The following PCDHGA11 variants were observed in gnomAD, a reference collection of about 807,000 sequenced individuals.
PCDHGA11 encodes the protein protocadherin gamma subfamily A, 11.
In PCDHGA11, 39 loss-of-function variants were observed where a neutral mutation model predicts 60.4. The ratio of observed to expected loss-of-function variants is 0.65; its 90% CI spans 0.50 to 0.84. PCDHGA11 has a LOEUF of 0.84. Ranked by LOEUF, PCDHGA11 falls within the 40% of genes least tolerant of loss-of-function variation. The probability of loss-of-function intolerance (pLI) is 0.00; values close to 1 mark genes in which losing one functional copy is unlikely to be tolerated. For missense variants in PCDHGA11, 1,165 were observed against 1,197.7 expected (o/e 0.97, Z 0.40); for synonymous variants, 533 against 510.3 (o/e 1.04, Z -0.60).
intron 2 of PCDHGA11, among the ~76,000 whole-genome samples, chr5:141,498,889 C>T (rs1415870992): frequency 3.4e-5 from 5 of 146,174 alleles, no homozygotes; most frequent in African/African-American, 1.3e-4. Flanking sequence ...GCTGAGATCA[C>T]ACCACTGCAC....
chr5:141,421,777 CG>C lies in PCDHGA11; in HGVS notation c.554del (p.Gly185AlafsTer11), dbSNP rs760013586. On this transcript the variant is annotated frameshift_variant, in exon 1 of 4. Coordinates refer to ENST00000398587, the MANE Select transcript of PCDHGA11 (RefSeq NM_018914.3). LOFTEE classifies it high-confidence loss of function. ...TAATAATTACTTTTCCTTGCAACTG[CG>C]GGGCAGAACGGATGGGGCCAAGAAT... ...SPNNYFSLQL[R>X]GRTDGAKNPE... 2 of 1,613,804 alleles carry C rather than the reference CG, an allele frequency of 1.2e-6. No homozygotes were observed. The highest frequency in any genetic ancestry group is 3.3e-5 in the Admixed American group (2 of 60,012).
intron 2 of PCDHGA11, among the ~76,000 whole-genome samples, chr5:141,502,165 T>C (rs1017904375): frequency 1.8e-4 from 28 of 152,196 alleles, no homozygotes; most frequent in African/African-American, 6.3e-4. Context: ...AGATATTCAG[T>C]TGAGGAATTT....
At chr5:141,471,444 A>G (rs1366430114) in intron 1 of PCDHGA11, 1 of 152,150 alleles carries the variant, frequency 6.6e-6, no homozygotes, top group Non-Finnish European at 1.5e-5. Context: ...AATCTCATGT[A>G]CCTTTTGAAA....
Position 141,490,575 on chromosome 5 carries a change from A to G in PCDHGA11, c.2434-4232A>G. 2 of 1,614,140 alleles carry G rather than the reference A, an allele frequency of 1.2e-6. No individual in the cohort carries two copies. The highest frequency in any genetic ancestry group is 2.2e-5 in the East Asian group (1 of 44,876). Reference sequence around the variant, plus strand: ...ATCTCACCATCAGGCTCAACATTTCAGATGTCAATGACAATGCACCCCGCT... The same window carrying G: ...ATCTCACCATCAGGCTCAACATTTCGGATGTCAATGACAATGCACCCCGCT... On this transcript the variant is annotated intron_variant, in intron 1 of 3. Transcript: ENST00000398587. This position sits in a 1 kb window ranked among gnomAD's most constrained non-coding sequence, Gnocchi z 5.4.
intron 1 of PCDHGA11, among the ~76,000 whole-genome samples, chr5:141,458,821 C>T (rs1220034390): frequency 6.6e-6 from 1 of 152,146 alleles, no homozygotes; most frequent in Non-Finnish European, 1.5e-5. Flanking sequence ...CAACCTCTGC[C>T]TCCCAGGCTC....
Position 141,432,587 on chromosome 5 carries a change from A to C in PCDHGA11, c.2433+8927A>C. ...CGCCTGGCTGTCCTACCGTCTGCTC[A>C]AGGCCAGCGAGCCGGGACTCTTCTC... On this transcript the variant is annotated intron_variant, in intron 1 of 3. Transcript: ENST00000398587. This position sits in a 1 kb window ranked among gnomAD's most constrained non-coding sequence, Gnocchi z 6.0. 1.9e-6 allele frequency: 3 copies of C among 1,613,250 alleles called. No individual in the cohort carries two copies. Among genetic ancestry groups the C allele is most frequent in the Non-Finnish European group, 2.5e-6 (3 of 1,179,918 alleles).
At chr5:141,484,135 A>G (rs181630887) in intron 1 of PCDHGA11, among the ~76,000 whole-genome samples, 6 of 152,270 alleles carry the variant, frequency 3.9e-5, no homozygotes, top group Admixed American at 1.3e-4. Flanking sequence ...GTGTCAGATA[A>G]AGGGAATTTG....
At chr5:141,501,841 C>T (rs2099811330) in intron 2 of PCDHGA11, among the ~76,000 whole-genome samples, 1 of 152,130 alleles carries the variant, frequency 6.6e-6, no homozygotes, top group African/African-American at 2.4e-5. Flanking sequence ...CTGTTTGGCC[C>T]TCAACCTTCA....
intron 1 of PCDHGA11, chr5:141,478,781 A>G: frequency 6.7e-7 from 1 of 1,485,388 alleles, no homozygotes; most frequent in Non-Finnish European, 9.0e-7. Flanking sequence ...TGTGGACCTA[A>G]TTCACATCCT....
chr5:141,475,128 C>T (rs775275292), intron 1 of PCDHGA11, among the ~76,000 whole-genome samples: 3 of 151,894 alleles, frequency 2.0e-5, no homozygotes, highest in Non-Finnish European at 4.4e-5. Context: ...GGCTTTTTTT[C>T]TTTTTGAAAT....
At chr5:141,504,384 C>G (rs2099837898) in intron 2 of PCDHGA11, among the ~76,000 whole-genome samples, 1 of 152,026 alleles carries the variant, frequency 6.6e-6, no homozygotes, top group South Asian at 2.1e-4. Flanking sequence ...GAGTCGCTGC[C>G]TCACAGAAGC....
chr5:141,430,796 C>A, intron 1 of PCDHGA11: 1 of 1,522,232 alleles, frequency 6.6e-7, no homozygotes, highest in Middle Eastern at 1.8e-4. Context: ...CTACAAAGGG[C>A]TTGTCCTGCT....
intron 1 of PCDHGA11, among the ~76,000 whole-genome samples, chr5:141,451,403 G>A (rs2154563571): frequency 6.6e-6 from 1 of 152,288 alleles, no homozygotes; most frequent in South Asian, 2.1e-4. Context: ...GCAAAATTAA[G>A]TTCCTTGTGG....
At chr5:141,441,984 A>G (rs1202392318) in intron 1 of PCDHGA11, 4 of 275,400 alleles carry the variant, frequency 1.5e-5, no homozygotes, top group South Asian at 7.2e-5. Flanking sequence ...TGGAATGCGC[A>G]CCGACGAGGT....
intron 1 of PCDHGA11, among the ~76,000 whole-genome samples, chr5:141,483,778 G>T (rs1012545478): frequency 1.6e-4 from 24 of 152,222 alleles, no homozygotes; most frequent in African/African-American, 5.8e-4. Context: ...ATTGGGGAAG[G>T]ATAAGAACTC....
In PCDHGA11 at chr5:141,501,176, T is replaced by C. The variant is rs917315609; in HGVS notation, c.2493-4217T>C. ...GCCACCATCCCCAGCCTCATTTACA[T>C]TTTAACACAATTAAATTCAGGGTGT... On this transcript the variant is annotated intron_variant, in intron 2 of 3. Coordinates refer to ENST00000398587, the MANE Select transcript of PCDHGA11 (RefSeq NM_018914.3). Among the ~76,000 whole-genome samples, 16 of 152,244 alleles carry C rather than the reference T, an allele frequency of 1.1e-4. No homozygotes were observed. In the South Asian group the frequency reaches 3.3e-3, roughly 32 times the overall value.
Position 141,511,156 on chromosome 5 carries a change from A to G in PCDHGA11, c.2791A>G (p.Lys931Glu), listed in dbSNP as rs2099883637. 6.2e-7 allele frequency: 1 copy of G among 1,614,080 alleles called. No individual in the cohort carries two copies. The highest frequency in any genetic ancestry group is 1.3e-5 in the African/African-American group (1 of 74,940). Residue 931 changes from lysine (K) to glutamate (E), a missense_variant, in exon 4 of 4, where the codon AAG (lysine) becomes GAG (glutamate). By Grantham distance (56) the Lys-to-Glu change is moderately conservative (BLOSUM62 1). Transcript: ENST00000398587. ...CAATGGCAACAAGAAGAAGTCGGGC[A>G]AGAAGGAGAAGAAGTAACATGGAGG... is the stretch of plus-strand genomic sequence containing the variant. ...GGNGNKKKSG[K>E]KEKK
At position 141,423,150 on chromosome 5, in the gene PCDHGA11, G is replaced by A; in HGVS notation, c.1923G>A (p.Gln641=). Residue 641 remains glutamine (Q), a synonymous_variant, in exon 1 of 4, where the codon CAG becomes CAA. Transcript: ENST00000398587. ...RALLDRDALK[Q]SLVVAVQDHG... is the part of the protein sequence containing the mutation. ...TGCTGGACAGAGACGCGCTCAAGCA[G>A]AGCCTCGTGGTGGCCGTCCAGGACC... The A allele has an allele frequency of 6.2e-7, 1 of 1,613,538 alleles. No individual in the cohort carries two copies. The highest frequency in any genetic ancestry group is 8.5e-7 in the Non-Finnish European group (1 of 1,179,916).
chr5:141,476,061 C>T lies in PCDHGA11; in HGVS notation c.2434-18746C>T. On this transcript the variant is annotated intron_variant, in intron 1 of 3. Coordinates refer to ENST00000398587, the MANE Select transcript of PCDHGA11 (RefSeq NM_018914.3). The surrounding 1 kb of genome is among the most constrained non-coding windows in gnomAD (Gnocchi z 7.6). Reference sequence around the variant, plus strand: ...AAGCGCTAACCCGCTGAAAGTTTCTCAGCGAAATCTCAGGGACGATCTGGA... The same window carrying T: ...AAGCGCTAACCCGCTGAAAGTTTCTTAGCGAAATCTCAGGGACGATCTGGA... The T allele has an allele frequency of 6.6e-7, 1 of 1,508,880 alleles. No homozygotes were observed. Among genetic ancestry groups the T allele is most frequent in the Non-Finnish European group, 8.8e-7 (1 of 1,136,354 alleles). 93.5% of individuals were successfully genotyped at this position (1,508,880 alleles called of 1,614,324 possible).
Sources: allele counts gnomAD v4.1 joint callset (sites outside exome capture counted in the v4.1 genomes callset), GRCh38; gene constraint gnomAD v4.1.1; non-coding constraint Gnocchi (gnomAD v3.1); transcripts MANE v1.5; gene names NCBI Gene and HGNC (gene_info 2026-07-23, HGNC 2026-07-21).